STK10: variants seen among roughly 807,000 people sequenced by gnomAD.
STK10 encodes the protein serine/threonine-protein kinase 10.
In STK10, 78 loss-of-function variants were observed where a neutral mutation model predicts 113.8. That is an observed-to-expected ratio of 0.69 (90% CI 0.57 to 0.83). The LOEUF (loss-of-function observed/expected upper bound fraction) is 0.83, where lower values mean the gene tolerates loss of function less well. Among genes scored for constraint, STK10 ranks in the 40% least tolerant of loss-of-function variants. STK10 has a pLI of 0.00. For missense variants in STK10, 1,109 were observed against 1,280.1 expected, an observed-to-expected ratio of 0.87 and a Z score of 2.04; for synonymous variants, 465 against 494.7, an observed-to-expected ratio of 0.94 and a Z score of 0.80.
At chr5:172,132,183 T>C (rs1316688995) in intron 2 of STK10, among the ~76,000 whole-genome samples, 1 of 152,190 alleles carries the variant, frequency 6.6e-6, no homozygotes, top group Non-Finnish European at 1.5e-5. Flanking sequence ...CTCAATGCTT[T>C]AGGAAATTAC....
At chr5:172,121,832 T>G in intron 3 of STK10, among the ~76,000 whole-genome samples, 1 of 151,988 alleles carries the variant, frequency 6.6e-6, no homozygotes, top group East Asian at 1.9e-4. Context: ...TCCCAAAGTG[T>G]TGGGATTACA....
chr5:172,178,446 T>C (rs919446212), intron 1 of STK10, among the ~76,000 whole-genome samples: 6 of 152,086 alleles, frequency 3.9e-5, no homozygotes, highest in African/African-American at 1.4e-4. Context: ...CCTGTACAAC[T>C]CTCATCTCAG....
intron 2 of STK10, among the ~76,000 whole-genome samples, chr5:172,130,076 G>A (rs1769716755): frequency 6.6e-6 from 1 of 152,070 alleles, no homozygotes; most frequent in Non-Finnish European, 1.5e-5. Flanking sequence ...TCCACATCCT[G>A]AAGTTCCATC....
At chr5:172,121,415 C>A (rs1769507070) in intron 3 of STK10, among the ~76,000 whole-genome samples, 1 of 152,160 alleles carries the variant, frequency 6.6e-6, no homozygotes, top group Non-Finnish European at 1.5e-5. Context: ...TCACGGCCCA[C>A]TGCAGCCTCG....
rs112705540 is a variant in STK10, at chr5:172,082,790, C to T, written c.1809+171G>A. ...GGACTCAGGATCGCTGTGACCTTCACGGGGTTCTGTGTTAACAAGTCACTG... is the reference window on the plus strand; with the variant it reads ...GGACTCAGGATCGCTGTGACCTTCATGGGGTTCTGTGTTAACAAGTCACTG... On this transcript the variant is annotated intron_variant, in intron 11 of 18. Transcript: ENST00000176763. This position sits in a 1 kb window ranked among gnomAD's most constrained non-coding sequence, Gnocchi z 4.3. 1.1e-3 allele frequency among the ~76,000 whole-genome samples: 174 copies of T among 152,284 alleles called. 3 individuals carry two copies. Among genetic ancestry groups the T allele is most frequent in the East Asian group, 0.01 (53 of 5,186 alleles).
intron 2 of STK10, among the ~76,000 whole-genome samples, chr5:172,138,048 G>C (rs960641192): frequency 6.6e-6 from 1 of 152,098 alleles, no homozygotes; most frequent in East Asian, 1.9e-4. Flanking sequence ...ATAGCACTGA[G>C]AGTCCTAGCC....
intron 1 of STK10, among the ~76,000 whole-genome samples, chr5:172,157,202 C>G (rs1325371425): frequency 2.0e-5 from 3 of 152,192 alleles, no homozygotes; most frequent in Non-Finnish European, 4.4e-5. Flanking sequence ...TACTGCCTGA[C>G]AGCAGGCTGG....
chr5:172,101,469 C>CAA (rs1768987683), intron 7 of STK10, among the ~76,000 whole-genome samples: 1 of 133,638 alleles, frequency 7.5e-6, no homozygotes, highest in African/African-American at 3.4e-5. Flanking sequence ...GACTCCGTCT[C>CAA]CAAAAAAAAA....
chr5:172,077,979 T>C (rs1477562643), intron 12 of STK10, among the ~76,000 whole-genome samples: 2 of 143,964 alleles, frequency 1.4e-5, no homozygotes, highest in Non-Finnish European at 3.0e-5. Flanking sequence ...GTTCAGAGGC[T>C]GCTCACCTGG....
At chr5:172,178,553 G>A (rs892877275) in intron 1 of STK10, among the ~76,000 whole-genome samples, 2 of 152,172 alleles carry the variant, frequency 1.3e-5, no homozygotes, top group Admixed American at 6.5e-5. Flanking sequence ...CTGGATACCC[G>A]CTGTATGAGC....
In STK10 at chr5:172,151,596, G is replaced by A. The variant is rs552707167; in HGVS notation, c.321+5028C>T. ...GCCTGATTCGTGATCCACCCACCTC[G>A]GCCTCCCAAAGTGCTGAGATTACAG... On this transcript the variant is annotated intron_variant, in intron 2 of 18. Transcript: ENST00000176763. 5.9e-5 allele frequency among the ~76,000 whole-genome samples: 9 copies of A among 152,162 alleles called. No homozygotes were observed. The South Asian group carries it at 1.5e-3, about 25-fold the overall frequency.
At chr5:172,170,236 G>T (rs1415010811) in intron 1 of STK10, among the ~76,000 whole-genome samples, 1 of 151,824 alleles carries the variant, frequency 6.6e-6, no homozygotes, top group African/African-American at 2.4e-5. Context: ...CATAAGAGAG[G>T]AAAGGAAAGT....
intron 14 of STK10, among the ~76,000 whole-genome samples, chr5:172,059,658 G>T (rs2113700377): frequency 6.6e-6 from 1 of 152,126 alleles, no homozygotes; most frequent in South Asian, 2.1e-4. Context: ...ATCTAGACAT[G>T]TGAGCCCCCT....
chr5:172,130,580 T>C (rs970278347), intron 2 of STK10, among the ~76,000 whole-genome samples: 1 of 151,118 alleles, frequency 6.6e-6, no homozygotes, highest in African/African-American at 2.4e-5. Context: ...CGTGGATATG[T>C]AACAAGGTCA....
At chr5:172,167,499 T>C (rs1021460099) in intron 1 of STK10, among the ~76,000 whole-genome samples, 6 of 152,200 alleles carry the variant, frequency 3.9e-5, no homozygotes, top group African/African-American at 1.4e-4. Context: ...TTTCACCCAG[T>C]GACATCTGGC....
At chr5:172,094,545 G>C (rs1017631832) in intron 8 of STK10, among the ~76,000 whole-genome samples, 13 of 151,772 alleles carry the variant, frequency 8.6e-5, no homozygotes, top group African/African-American at 2.9e-4. Context: ...ACCACACCCA[G>C]CTAATTTTTG....
intron 2 of STK10, among the ~76,000 whole-genome samples, chr5:172,150,172 G>A (rs1321571530): frequency 6.6e-6 from 1 of 151,644 alleles, no homozygotes; most frequent in African/African-American, 2.4e-5. Context: ...ACAGCCAGTT[G>A]GTCCCAGGCA....
At chr5:172,045,312 C>T in intron 18 of STK10, 1 of 563,698 alleles carries the variant, frequency 1.8e-6, no homozygotes, top group East Asian at 4.0e-5. Context: ...TGCAAATCCC[C>T]TGGCAGGAAA....
chr5:172,074,472 G>C (rs1283063212), intron 12 of STK10, among the ~76,000 whole-genome samples: 1 of 152,100 alleles, frequency 6.6e-6, no homozygotes, highest in Non-Finnish European at 1.5e-5. Context: ...AATGGTGCTG[G>C]AATAATCAGA....
Sources: allele counts gnomAD v4.1 joint callset (sites outside exome capture counted in the v4.1 genomes callset), GRCh38; gene constraint gnomAD v4.1.1; non-coding constraint Gnocchi (gnomAD v3.1); transcripts MANE v1.5; gene names NCBI Gene and HGNC (gene_info 2026-07-23, HGNC 2026-07-21).